The following MYO1F variants were observed in gnomAD, a reference collection of about 807,000 sequenced individuals.
The protein encoded by MYO1F is unconventional myosin-If.
MYO1F carries 60 observed loss-of-function variants against 146.6 expected under a neutral mutation model. The observed-to-expected ratio is 0.41, with a 90% CI of 0.33 to 0.51. MYO1F has a LOEUF of 0.51. Among genes scored for constraint, MYO1F ranks in the 20% least tolerant of loss-of-function variants. The pLI is 0.25. For missense variants in MYO1F, 1,274 were observed against 1,534.3 expected (o/e 0.83, Z 2.83); for synonymous variants, 602 against 602.1 (o/e 1.00, Z 0.00).
intron 15 of MYO1F, among the ~76,000 whole-genome samples, chr19:8,540,711 C>CAA (rs532470178): frequency 7.7e-5 from 11 of 142,904 alleles, no homozygotes; most frequent in African/African-American, 2.6e-4. Flanking sequence ...GACACTGTCT[C>CAA]CAAAAAAAAA....
At chr19:8,542,898 C>T (rs143733196) in intron 14 of MYO1F, among the ~76,000 whole-genome samples, 3 of 151,744 alleles carry the variant, frequency 2.0e-5, no homozygotes, top group Non-Finnish European at 4.4e-5. Context: ...CCACTGCACC[C>T]GGCCCTGTTT....
In MYO1F at chr19:8,557,057, G is replaced by A. The variant is rs144616317; in HGVS notation, c.4-1261C>T. Among the ~76,000 whole-genome samples the A allele has an allele frequency of 8.7e-3, 1,322 of 152,056 alleles. 8 individuals are homozygous for A. Among genetic ancestry groups the A allele is most frequent in the Middle Eastern group, 0.014 (4 of 290 alleles). On this transcript the variant is annotated intron_variant, in intron 1 of 27. Transcript: ENST00000644032. ...TCCCAGCACTTTGGGAGGCCGAGGC[G>A]GGAGGACTGCTTAAGGCCAGCAGTT...
intron 10 of MYO1F, 88 bp downstream of exon 10, chr19:8,550,072 T>C (rs1973537836): frequency 6.9e-7 from 1 of 1,454,348 alleles, no homozygotes; most frequent in Non-Finnish European, 9.4e-7. Flanking sequence ...AGCATTGGGA[T>C]TGCAGCCGTG....
At chr19:8,525,659 C>A in intron 24 of MYO1F, 97 bp from the exon 25 acceptor site, 1 of 1,015,852 alleles carries the variant, frequency 9.8e-7, no homozygotes, top group Non-Finnish European at 1.5e-6. Context: ...CGCACCCCGC[C>A]CCCTCAGGCT....
At chr19:8,541,507 C>T (rs968581757) in intron 15 of MYO1F, among the ~76,000 whole-genome samples, 1 of 146,378 alleles carries the variant, frequency 6.8e-6, no homozygotes, top group Non-Finnish European at 1.5e-5. Context: ...TGGCTCATTG[C>T]AACCTCTGCC....
At chr19:8,558,656 CAGAT>C (rs1260229195) in intron 1 of MYO1F, among the ~76,000 whole-genome samples, 7 of 152,208 alleles carry the variant, frequency 4.6e-5, no homozygotes, top group Non-Finnish European at 7.4e-5. Context: ...AGTAGTCTGA[CAGAT>C]AGGAGTGATG....
At chr19:8,553,269 G>A (rs1973691676) in intron 5 of MYO1F, 41 bp from the exon 6 acceptor site, 2 of 1,611,196 alleles carry the variant, frequency 1.2e-6, no homozygotes, top group Non-Finnish European at 1.7e-6. Context: ...GTCAGACTGA[G>A]GCAGGAGTGC....
At chr19:8,542,115 G>A in intron 14 of MYO1F, 124 bp from the exon 15 acceptor site, 1 of 752,632 alleles carries the variant, frequency 1.3e-6, no homozygotes, top group Non-Finnish European at 2.3e-6. Context: ...GAGAGGATCA[G>A]GCAGTGTCTA....
chr19:8,559,517 A>G (rs1973989426), intron 1 of MYO1F, among the ~76,000 whole-genome samples: 1 of 151,980 alleles, frequency 6.6e-6, no homozygotes, highest in Non-Finnish European at 1.5e-5. Context: ...TCTCATCTAT[A>G]AAAAGGAAGA....
At chr19:8,569,882 T>C (rs11259990) in intron 1 of MYO1F, among the ~76,000 whole-genome samples, 73,245 of 151,828 alleles carry the variant, frequency 0.48, 18,800 homozygotes, top group East Asian at 0.68. Flanking sequence ...GGCCTCTCAT[T>C]GCTTAGGAGG....
rs758871140 is a variant in MYO1F at position 8,552,060 on chromosome 19, A to T, written c.609T>A (p.Asn203Lys). Reference sequence around the variant, plus strand: ...GGTAGTAGATGTGGAAGTTCCTCTCATTTTCATTTTGCATGACCACGCGGG... The same window carrying T: ...GGTAGTAGATGTGGAAGTTCCTCTCTTTTTCATTTTGCATGACCACGCGGG... Reference protein sequence around the residue: ...EKSRVVMQNENERNFHIYYQL... With the variant: ...EKSRVVMQNEKERNFHIYYQL... The change falls in exon 7 of 28, where the codon AAT (asparagine) becomes AAA (lysine). Residue 203 changes from asparagine (N) to lysine (K), a missense_variant. Around this residue, in one of 2 missense-constraint regions of MYO1F, gnomAD observed 900 missense variants for 1,155.1 expected, o/e 0.78. Coordinates refer to ENST00000644032, the MANE Select transcript of MYO1F (RefSeq NM_012335.4). 6.2e-7 allele frequency: 1 copy of T among 1,613,336 alleles called. No homozygotes were observed.
intron 1 of MYO1F, among the ~76,000 whole-genome samples, chr19:8,574,640 T>TC (rs1470923531): frequency 5.5e-5 from 3 of 54,694 alleles, no homozygotes; most frequent in East Asian, 3.0e-3. Flanking sequence ...TTTCTTTCTT[T>TC]CTTTCCTTTC....
In MYO1F at chr19:8,540,017, C is replaced by G. The variant is rs556054718; in HGVS notation, c.1622G>C (p.Arg541Pro). The G allele has an allele frequency of 6.2e-7, 1 of 1,611,478 alleles. No individual in the cohort carries two copies. ...LMQTSEQAFL[R>P]MLFPEKLDGD... is the part of the protein sequence containing the mutation. ...ATCCAGCTTCTCGGGGAAGAGCATC[C>G]GGAGGAAGGCCCTGGGTAGGAAAGG... The change falls in exon 16 of 28, where the codon CGG becomes CCG. Residue 541 changes from arginine (R) to proline (P), a missense_variant. Around this residue, in one of 2 missense-constraint regions of MYO1F, gnomAD observed 900 missense variants for 1,155.1 expected, o/e 0.78. Coordinates refer to ENST00000644032, the MANE Select transcript of MYO1F (RefSeq NM_012335.4).
At chr19:8,545,573 T>C (rs1222679983) in intron 13 of MYO1F, 77 bp downstream of exon 13, 1 of 1,221,040 alleles carries the variant, frequency 8.2e-7, no homozygotes, top group Non-Finnish European at 1.2e-6. Flanking sequence ...ATAACACCCT[T>C]GGCCCTCCCC....
intron 1 of MYO1F, among the ~76,000 whole-genome samples, chr19:8,574,749 T>C (rs145768921): frequency 1.2e-3 from 185 of 150,390 alleles, no homozygotes; most frequent in African/African-American, 4.1e-3. Context: ...CTTTCTTTCT[T>C]TCTCTCTCTC....
intron 4 of MYO1F, 129 bp downstream of exon 4, chr19:8,554,346 CAG>C (rs754248437): frequency 4.0e-5 from 32 of 807,890 alleles, no homozygotes; most frequent in Non-Finnish European, 6.6e-5. Flanking sequence ...GAAAATAAAA[CAG>C]AGTGAGGGCA....
chr19:8,541,865 G>C, intron 15 of MYO1F, 41 bp downstream of exon 15: 4 of 1,565,398 alleles, frequency 2.6e-6, no homozygotes, highest in Non-Finnish European at 3.5e-6. Context: ...CATCCCCTTG[G>C]GGGGTTGTAG....
At position 8,552,040 on chromosome 19, in the gene MYO1F, T is replaced by C; in HGVS notation, c.629A>G (p.Tyr210Cys). The change falls in exon 7 of 28, where the codon TAC (tyrosine) becomes TGC (cysteine). Residue 210 changes from tyrosine (Y) to cysteine (C), a missense_variant. This residue lies in a region of MYO1F where 900 missense variants were observed against 1,155.1 expected (regional missense o/e 0.78). Transcript: ENST00000644032. ...QNENERNFHI[Y>C]YQLLEGASQE... ...CCGGCCCCTTCCCTGCACCTGGTAG[T>C]AGATGTGGAAGTTCCTCTCATTTTC... The C allele has an allele frequency of 6.2e-7, 1 of 1,614,038 alleles. No homozygotes were observed. Among genetic ancestry groups the C allele is most frequent in the Non-Finnish European group, 8.5e-7 (1 of 1,179,976 alleles).
Position 8,550,563 on chromosome 19 carries a change from G to A in MYO1F, c.903C>T (p.Asp301=), listed in dbSNP as rs1973561352. ...DGNYARVESV[D]LLAFPAYLLG... ...GCCCTCCCTGATACCCACACTCACG[G>A]TCCACACTCTCCACTCGGGCGTAAT... The change falls in exon 9 of 28, where the codon GAC becomes GAT. Residue 301 remains aspartate, a splice_region_variant and synonymous_variant. Coordinates refer to ENST00000644032, the MANE Select transcript of MYO1F (RefSeq NM_012335.4). 1 of 1,614,056 alleles carries A rather than the reference G, an allele frequency of 6.2e-7. No homozygotes were observed. The highest frequency in any genetic ancestry group is 1.7e-5 in the Admixed American group (1 of 59,988).
Sources: gnomAD v4.1 joint callset for allele counts (sites outside exome capture counted in the v4.1 genomes callset) on GRCh38, gnomAD v4.1.1 for gene constraint, gnomAD v4.1.1 regional missense constraint, MANE v1.5 for transcripts, NCBI Gene and HGNC (gene_info 2026-07-23, HGNC 2026-07-21) for gene names.